The following DAB1 variants were observed in gnomAD, a reference collection of about 807,000 sequenced individuals.
DAB1 encodes the protein disabled homolog 1.
Under a neutral mutation model 64.6 loss-of-function variants are expected in DAB1, and 15 were observed. The observed-to-expected ratio is 0.23, with a 90% CI of 0.16 to 0.36. The LOEUF (loss-of-function observed/expected upper bound fraction) is 0.36, where lower values mean the gene tolerates loss of function less well. Ranked by LOEUF, DAB1 falls within the 10% of genes least tolerant of loss-of-function variation. The pLI, the probability that DAB1 is intolerant of heterozygous loss-of-function variation, is 1.00. For synonymous variants in DAB1, 235 were observed against 251.9 expected, an observed-to-expected ratio of 0.93 and a Z score of 0.64; for missense variants, 596 against 706.7, an observed-to-expected ratio of 0.84 and a Z score of 1.78.
At chr1:58,527,444 T>A in intron 1 of DAB1, 1 of 660,338 alleles carries the variant, frequency 1.5e-6, no homozygotes, top group Non-Finnish European at 2.7e-6. Context: ...TAGGATAAAA[T>A]TCCTATACTG....
At chr1:57,586,497 AT>A (rs1645382658) in intron 7 of DAB1, among the ~76,000 whole-genome samples, 4 of 108,102 alleles carry the variant, frequency 3.7e-5, no homozygotes, top group Admixed American at 2.8e-4. Context: ...CTCTCTCTCT[AT>A]TTTTTTTCTA....
intron 7 of DAB1, among the ~76,000 whole-genome samples, chr1:57,551,149 G>A (rs759339967): frequency 4.6e-5 from 7 of 152,154 alleles, no homozygotes; most frequent in Admixed American, 6.5e-5. Context: ...ACAATAGCAC[G>A]TTCGTCTTGC....
intron 7 of DAB1, among the ~76,000 whole-genome samples, chr1:57,541,695 T>C (rs568642006): frequency 6.6e-6 from 1 of 152,338 alleles, no homozygotes; most frequent in Non-Finnish European, 1.5e-5. Flanking sequence ...TATTTGGGTC[T>C]ATGTTTGCTT....
rs139198457 is a variant in DAB1 at position 57,779,996 on chromosome 1, G to A, written n.551+104003C>T. On this transcript the variant is annotated intron_variant and non_coding_transcript_variant, in intron 6 of 20. Coordinates refer to the DAB1 transcript ENST00000485760. ...ATGACTAATCTTGAGATAGGAGAAC[G>A]ATGCTTTAAGTAAAATAAGAAAAAG... 4.1e-3 allele frequency among the ~76,000 whole-genome samples: 630 copies of A among 152,244 alleles called. 2 individuals carry two copies. The highest frequency in any genetic ancestry group is 0.01 in the Middle Eastern group (3 of 294).
intron 14 of DAB1, among the ~76,000 whole-genome samples, chr1:57,007,500 G>A (rs1190342836): frequency 6.6e-6 from 1 of 152,138 alleles, no homozygotes; most frequent in Admixed American, 6.5e-5. Context: ...GATTCTCCCA[G>A]ATGGGAGGGT....
At chr1:58,436,417 A>T (rs1175067375) in intron 3 of DAB1, among the ~76,000 whole-genome samples, 1 of 152,214 alleles carries the variant, frequency 6.6e-6, no homozygotes, top group African/African-American at 2.4e-5. Context: ...CCAACAGAGC[A>T]GCCAACTTCA....
intron 9 of DAB1, among the ~76,000 whole-genome samples, chr1:57,060,156 T>TTTTATTTTATTTTA (rs1650238518): frequency 4.0e-5 from 6 of 150,048 alleles, no homozygotes; most frequent in Admixed American, 3.3e-4. Flanking sequence ...TTTTATTTTA[T>TTTTATTTTATTTTA]TTTATTTTAT....
At chr1:58,251,304 CA>C (rs564226583) in intron 4 of DAB1, among the ~76,000 whole-genome samples, 30 of 152,294 alleles carry the variant, frequency 2.0e-4, no homozygotes, top group Middle Eastern at 6.8e-3. Context: ...GCAGAACATT[CA>C]AAAGAACACA....
At chr1:58,447,256 C>T (rs1035232115) in intron 3 of DAB1, among the ~76,000 whole-genome samples, 8 of 151,988 alleles carry the variant, frequency 5.3e-5, no homozygotes, top group South Asian at 2.1e-4. Context: ...GGAATTGCAC[C>T]GGCTCCTGAG....
intron 7 of DAB1, among the ~76,000 whole-genome samples, chr1:57,634,089 A>G (rs937433089): frequency 1.9e-4 from 29 of 152,222 alleles, no homozygotes; most frequent in African/African-American, 7.0e-4. Context: ...AAAGTAAGAA[A>G]TCCTAGGTTC....
intron 4 of DAB1, among the ~76,000 whole-genome samples, chr1:58,299,098 G>C (rs772840000): frequency 1.1e-4 from 16 of 149,002 alleles, no homozygotes; most frequent in African/African-American, 3.9e-4. Flanking sequence ...AATTCTGTCT[G>C]TATTGGACTA....
rs531786477 is a variant in DAB1, at chr1:58,069,289, C to G, written n.387+81222G>C. Among the ~76,000 whole-genome samples the G allele has an allele frequency of 7.2e-5, 11 of 152,294 alleles. No homozygotes were observed. The South Asian group carries it at 1.7e-3, about 23-fold the overall frequency. On this transcript the variant is annotated intron_variant and non_coding_transcript_variant, in intron 5 of 20. Transcript: ENST00000485760. ...TGCTCACCAAACTTACCCTCTTAAC[C>G]TCATACTTGAAGAAACAGACACAGA...
chr1:57,158,869 A>G (rs1660483398), intron 2 of DAB1, among the ~76,000 whole-genome samples: 1 of 152,184 alleles, frequency 6.6e-6, no homozygotes, highest in Non-Finnish European at 1.5e-5. Context: ...TCATGCACAC[A>G]TTTTCTTTAA....
intron 5 of DAB1, among the ~76,000 whole-genome samples, chr1:57,906,679 T>C (rs368588056): frequency 6.4e-4 from 97 of 152,194 alleles, no homozygotes; most frequent in African/African-American, 2.0e-3. Flanking sequence ...TGATGGACCA[T>C]GGAATCTAAG....
chr1:57,088,917 C>T (rs1010204230), intron 4 of DAB1, among the ~76,000 whole-genome samples: 10 of 152,166 alleles, frequency 6.6e-5, no homozygotes, highest in Non-Finnish European at 1.2e-4. Flanking sequence ...TAATTGTCAC[C>T]CTGGCATGTG....
intron 2 of DAB1, 23 bp downstream of exon 2, chr1:57,290,941 A>C: frequency 1.3e-6 from 2 of 1,588,980 alleles, no homozygotes; most frequent in Non-Finnish European, 1.7e-6. Context: ...TAGCCATTAA[A>C]AAAAGGTCAA....
chr1:57,563,007 T>C (rs1645071116), intron 7 of DAB1, among the ~76,000 whole-genome samples: 1 of 152,140 alleles, frequency 6.6e-6, no homozygotes, highest in African/African-American at 2.4e-5. Context: ...TACCATGCCC[T>C]GTGATTAAGG....
intron 6 of DAB1, among the ~76,000 whole-genome samples, chr1:57,650,800 C>T (rs935161647): frequency 6.6e-6 from 1 of 152,130 alleles, no homozygotes; most frequent in African/African-American, 2.4e-5. Context: ...CCAGCAATAC[C>T]TCCATTCTGA....
intron 5 of DAB1, among the ~76,000 whole-genome samples, chr1:58,125,325 C>A (rs1226002171): frequency 1.3e-5 from 2 of 151,970 alleles, no homozygotes; most frequent in Non-Finnish European, 2.9e-5. Context: ...TAGTTTAGTC[C>A]AATGTTTAGT....
Sources: gnomAD v4.1 joint callset for allele counts (sites outside exome capture counted in the v4.1 genomes callset) on GRCh38, gnomAD v4.1.1 for gene constraint, MANE v1.5 for transcripts, NCBI Gene and HGNC (gene_info 2026-07-23, HGNC 2026-07-21) for gene names.